The following COL25A1 variants were observed in gnomAD, a reference collection of about 807,000 sequenced individuals.
COL25A1 encodes collagen alpha-1(XXV) chain.
A neutral mutation model predicts 128.4 loss-of-function variants in COL25A1; 103 were observed. The ratio of observed to expected loss-of-function variants is 0.80; its 90% CI spans 0.68 to 0.94. The LOEUF (loss-of-function observed/expected upper bound fraction) is 0.94. COL25A1 is among the 40% of genes least tolerant of loss of function. The pLI, the probability that COL25A1 is intolerant of heterozygous loss-of-function variation, is 0.00. For synonymous variants in COL25A1, 279 were observed against 277.2 expected (o/e 1.01, Z -0.06); for missense variants, 745 against 840.0 (o/e 0.89, Z 1.40).
At chr4:108,998,051 T>C (rs1243799730) in intron 6 of COL25A1, among the ~76,000 whole-genome samples, 1 of 152,156 alleles carries the variant, frequency 6.6e-6, no homozygotes, top group Admixed American at 6.5e-5. Flanking sequence ...AGCATTCCCT[T>C]TGAAAACTGG....
chr4:108,902,266 A>G (rs1742931384), intron 13 of COL25A1, among the ~76,000 whole-genome samples: 2 of 151,984 alleles, frequency 1.3e-5, no homozygotes, highest in Admixed American at 1.3e-4. Context: ...GGATCTTTAT[A>G]TTCATTGACT....
chr4:108,814,540 T>C lies in COL25A1; in HGVS notation c.1963-611A>G, dbSNP rs1731076219. On this transcript the variant is annotated intron_variant, in intron 37 of 37. Coordinates refer to ENST00000399132, the MANE Select transcript of COL25A1 (RefSeq NM_198721.4). Reference sequence around the variant, plus strand: ...CCTAAGGCACCGCAGATTTCTGGTTTCTCACCAGATTTCTGGTTTCTCACC... The same window carrying C: ...CCTAAGGCACCGCAGATTTCTGGTTCCTCACCAGATTTCTGGTTTCTCACC... 4.0e-5 allele frequency among the ~76,000 whole-genome samples: 6 copies of C among 149,340 alleles called. No homozygotes were observed. In the South Asian group the frequency reaches 1.2e-3, roughly 31 times the overall value.
At chr4:108,861,144 G>T (rs570647300) in intron 22 of COL25A1, among the ~76,000 whole-genome samples, 173 bp from the exon 23 acceptor site, 15 of 152,130 alleles carry the variant, frequency 9.9e-5, no homozygotes, top group African/African-American at 3.4e-4. Flanking sequence ...AGCTTGAAAA[G>T]AACTAAAATT....
chr4:108,877,565 T>C (rs576374389), intron 19 of COL25A1, among the ~76,000 whole-genome samples: 1 of 152,196 alleles, frequency 6.6e-6, no homozygotes, highest in East Asian at 1.9e-4. Flanking sequence ...AAGCCACTTC[T>C]CCTCAACTCC....
At position 109,256,085 on chromosome 4, in the gene COL25A1, GGT is replaced by G. The variant is rs60794002; in HGVS notation, c.367+44496_367+44497del. Reference sequence around the variant, plus strand: ...TGTGGATATTAACATTTTAAGCATTGGTGTGTGTGTGTGTGTGTGTGTGTGTG... The same window carrying G: ...TGTGGATATTAACATTTTAAGCATTGGTGTGTGTGTGTGTGTGTGTGTGTG... On this transcript the variant is annotated intron_variant, in intron 3 of 37. Transcript: ENST00000399132. 9.7e-3 allele frequency among the ~76,000 whole-genome samples: 1,387 copies of G among 143,082 alleles called. 12 individuals are homozygous for G. The highest frequency in any genetic ancestry group is 0.042 in the East Asian group (208 of 4,940). The allele number at this position is 143,082 out of a possible 152,430, so 93.9% of individuals were successfully genotyped here. A position where few individuals can be genotyped will look rare whatever the true frequency, so the allele number is the denominator to read the frequency against.
chr4:109,158,904 C>T (rs1180325115), intron 3 of COL25A1, among the ~76,000 whole-genome samples: 2 of 152,152 alleles, frequency 1.3e-5, no homozygotes, highest in Non-Finnish European at 2.9e-5. Context: ...ACAAGAGTCT[C>T]TTATAACACT....
At chr4:109,141,672 G>A (rs1770419602) in intron 3 of COL25A1, among the ~76,000 whole-genome samples, 1 of 152,172 alleles carries the variant, frequency 6.6e-6, no homozygotes, top group Non-Finnish European at 1.5e-5. Context: ...AAGGGTGTAT[G>A]TGTCCAGGAA....
Position 109,000,743 on chromosome 4 carries a change from C to CAA in COL25A1, c.438+9613_438+9614dup, listed in dbSNP as rs1180104512. Among the ~76,000 whole-genome samples, 24 of 36,412 alleles carry CAA rather than the reference C, an allele frequency of 6.6e-4. 1 individual carries two copies. The highest frequency in any genetic ancestry group is 1.9e-3 in the African/African-American group (11 of 5,826). 23.9% of individuals were successfully genotyped at this position (36,412 alleles called of 152,430 possible). On this transcript the variant is annotated intron_variant, in intron 6 of 37. Transcript: ENST00000399132. ...CCTGGGCAACAGAGTGAGACTCTGT[C>CAA]AAAAAAAAAAAAAAAAAAAAAAAAA...
intron 31 of COL25A1, among the ~76,000 whole-genome samples, chr4:108,836,400 T>C (rs1733818795): frequency 1.3e-5 from 2 of 152,128 alleles, no homozygotes; most frequent in African/African-American, 4.8e-5. Flanking sequence ...ATTATAACAT[T>C]TGAAAACAAA....
intron 6 of COL25A1, among the ~76,000 whole-genome samples, chr4:108,997,443 A>G (rs1754893655): frequency 6.6e-6 from 1 of 152,234 alleles, no homozygotes; most frequent in Admixed American, 6.5e-5. Flanking sequence ...GAATCTCTGA[A>G]TAGACCAATA....
chr4:109,012,387 C>T (rs900765574), intron 5 of COL25A1, among the ~76,000 whole-genome samples: 10 of 143,906 alleles, frequency 6.9e-5, no homozygotes, highest in African/African-American at 2.5e-4. Context: ...TTGAGGAGCC[C>T]TTCAGCCCGC....
At chr4:108,901,045 G>T in intron 14 of COL25A1, 74 bp downstream of exon 14, 1 of 1,183,028 alleles carries the variant, frequency 8.5e-7, no homozygotes, top group Non-Finnish European at 1.3e-6. Flanking sequence ...GTTAAAAATT[G>T]TATTAAATAA....
At chr4:109,220,574 A>G (rs56982165) in intron 3 of COL25A1, among the ~76,000 whole-genome samples, 13,153 of 152,226 alleles carry the variant, frequency 0.086, 1,184 homozygotes, top group African/African-American at 0.23. Context: ...TTAATATTGT[A>G]TACATAGCAG....
chr4:109,002,116 T>C (rs1348170977), intron 6 of COL25A1, among the ~76,000 whole-genome samples: 1 of 152,208 alleles, frequency 6.6e-6, no homozygotes, highest in African/African-American at 2.4e-5. Context: ...GGTAGGGATG[T>C]CAATTAGTAT....
intron 3 of COL25A1, among the ~76,000 whole-genome samples, chr4:109,069,549 T>A (rs979275784): frequency 1.3e-5 from 2 of 152,138 alleles, no homozygotes; most frequent in Non-Finnish European, 2.9e-5. Flanking sequence ...ACTACTTCAA[T>A]GTAGAACATC....
At chr4:109,253,318 A>G (rs1780789405) in intron 3 of COL25A1, among the ~76,000 whole-genome samples, 1 of 152,306 alleles carries the variant, frequency 6.6e-6, no homozygotes, top group Non-Finnish European at 1.5e-5. Flanking sequence ...TTGGAAGTAT[A>G]ATTCCAACCT....
rs547316432 is a variant in COL25A1 at position 109,015,009 on chromosome 4, T to C, written c.421-4634A>G. Among the ~76,000 whole-genome samples, 1,071 of 152,294 alleles carry C rather than the reference T, an allele frequency of 7.0e-3. 5 individuals are homozygous for C. The highest frequency in any genetic ancestry group is 0.011 in the Non-Finnish European group (778 of 68,030). On this transcript the variant is annotated intron_variant, in intron 5 of 37. Transcript: ENST00000399132. ...CCGGCAGCGCCGAGTCTTGCAGTCGTCCTAATAGAGCCATCTGGCCAAACC... is the reference window on the plus strand; with the variant it reads ...CCGGCAGCGCCGAGTCTTGCAGTCGCCCTAATAGAGCCATCTGGCCAAACC...
At chr4:108,909,387 T>C (rs11098010) in intron 13 of COL25A1, among the ~76,000 whole-genome samples, 32,592 of 152,162 alleles carry the variant, frequency 0.21, 3,715 homozygotes, top group African/African-American at 0.25. Flanking sequence ...CTCTTTTAGG[T>C]AATTTGCTGA....
chr4:108,834,402 G>T, intron 31 of COL25A1: 1 of 1,550,464 alleles, frequency 6.4e-7, no homozygotes, highest in Non-Finnish European at 8.7e-7. Context: ...TGTGTGATTT[G>T]GTTGGTAGCA....
Sources: allele counts gnomAD v4.1 joint callset (sites outside exome capture counted in the v4.1 genomes callset), GRCh38; gene constraint gnomAD v4.1.1; transcripts MANE v1.5; gene names NCBI Gene and HGNC (gene_info 2026-07-23, HGNC 2026-07-21).